The following LOX variants were observed in gnomAD, a reference collection of about 807,000 sequenced individuals.
LOX encodes the protein protein-lysine 6-oxidase.
A neutral mutation model predicts 50.5 loss-of-function variants in LOX; 12 were observed. The observed-to-expected ratio is 0.24, with a 90% CI of 0.15 to 0.38. LOX has a LOEUF of 0.38. LOX is among the 10% of genes least tolerant of loss of function. LOX has a pLI of 1.00. For synonymous variants in LOX, 254 were observed against 230.6 expected (o/e 1.10, Z -0.92); for missense variants, 504 against 563.8 (o/e 0.89, Z 1.07).
intron 4 of LOX, among the ~76,000 whole-genome samples, chr5:122,071,584 A>G (rs528108419): frequency 1.3e-5 from 2 of 152,334 alleles, no homozygotes; most frequent in African/African-American, 4.8e-5. Context: ...TAAGAATGTT[A>G]TAGTCTAGAG....
chr5:122,077,590 A>G lies in LOX; in HGVS notation c.396T>C (p.Ser132=). Residue 132 remains serine, a synonymous_variant, in exon 1 of 7, where the codon TCT becomes TCC. Transcript: ENST00000231004. This position sits in a 1 kb window ranked among gnomAD's most constrained non-coding sequence, Gnocchi z 4.9. ...GCGAGGCGCCAGCTTCGCGGGCTCT[A>G]GATGTCGAGTAGCCAGCTTGGAACC... ...RHWFQAGYST[S]RAREAGASRA... 1.2e-6 allele frequency: 2 copies of G among 1,612,612 alleles called. No individual in the cohort carries two copies. The highest frequency in any genetic ancestry group is 1.7e-6 in the Non-Finnish European group (2 of 1,179,782).
chr5:122,071,570 CT>C (rs1262574117), intron 4 of LOX, among the ~76,000 whole-genome samples: 2 of 152,152 alleles, frequency 1.3e-5, no homozygotes, highest in Admixed American at 1.3e-4. Flanking sequence ...ACAATCCTTG[CT>C]TTTAAGAATG....
rs1378790528 is a variant in LOX, at chr5:122,077,807, A to G, written c.179T>C (p.Leu60Pro). 3 of 1,549,794 alleles carry G rather than the reference A, an allele frequency of 1.9e-6. No individual in the cohort carries two copies. The East Asian group carries it at 7.2e-5, about 37-fold the overall frequency. ...NNGQVFSLLS[L>P]GSQYQPQRRR... ...GCGCTGAGGCTGGTACTGTGAGCCC[A>G]GGCTCAGCAAGCTGAACACCTGCCC... Residue 60 changes from leucine (L) to proline (P), a missense_variant, in exon 1 of 7, where the codon CTG becomes CCG. By Grantham distance (98) the Leu-to-Pro change is moderately conservative. Coordinates refer to ENST00000231004, the MANE Select transcript of LOX (RefSeq NM_002317.7). The surrounding 1 kb of genome is among the most constrained non-coding windows in gnomAD (Gnocchi z 4.9).
chr5:122,068,364 T>C (rs1195184511), intron 6 of LOX, among the ~76,000 whole-genome samples: 1 of 152,076 alleles, frequency 6.6e-6, no homozygotes, highest in Non-Finnish European at 1.5e-5. Context: ...TCCAGACCTA[T>C]TTCTAGTGGG....
chr5:122,069,221 C>A (rs1754385898), intron 6 of LOX, among the ~76,000 whole-genome samples: 1 of 152,068 alleles, frequency 6.6e-6, no homozygotes, highest in Non-Finnish European at 1.5e-5. Flanking sequence ...TCTGTATGAT[C>A]CAGTGGCACT....
rs758722282 is a variant in LOX at position 122,076,999 on chromosome 5, G to A, written c.634C>T (p.Leu212Phe). 6.2e-7 allele frequency: 1 copy of A among 1,613,126 alleles called. No individual in the cohort carries two copies. Among genetic ancestry groups the A allele is most frequent in the East Asian group, 2.2e-5 (1 of 44,844 alleles). The part of the protein sequence containing the change: ...GYGTGYFQYG[L>F]PDLVADPYYI... Reference sequence around the variant, plus strand: ...TAGGGGTCGGCCACCAGGTCTGGGAGACCTAAACGTCAGCAGGCGACGGGC... The same window carrying A: ...TAGGGGTCGGCCACCAGGTCTGGGAAACCTAAACGTCAGCAGGCGACGGGC... The change falls in exon 2 of 7, where the codon CTC becomes TTC. Residue 212 changes from leucine (L) to phenylalanine (F), a missense_variant and splice_region_variant. Physicochemically the swap from Leu to Phe is conservative, Grantham distance 22. Coordinates refer to ENST00000231004, the MANE Select transcript of LOX (RefSeq NM_002317.7).
chr5:122,073,946 T>C (rs1754532725), intron 4 of LOX, 67 bp downstream of exon 4: 2 of 1,424,832 alleles, frequency 1.4e-6, no homozygotes, highest in Non-Finnish European at 2.0e-6. Flanking sequence ...TATTTAATGC[T>C]AACTAACGGT....
intron 6 of LOX, among the ~76,000 whole-genome samples, chr5:122,068,724 C>A (rs10058077): frequency 0.018 from 2,672 of 152,020 alleles, 61 homozygotes; most frequent in Middle Eastern, 0.058. Context: ...AAGGCTACAG[C>A]AGTATAGAGA....
intron 6 of LOX, among the ~76,000 whole-genome samples, 161 bp from the exon 7 acceptor site, chr5:122,066,910 T>C (rs1480814024): frequency 6.6e-6 from 1 of 152,148 alleles, no homozygotes; most frequent in Non-Finnish European, 1.5e-5. Flanking sequence ...TACATCATTT[T>C]AATAATGGTT....
At position 122,077,238 on chromosome 5, in the gene LOX, G is replaced by A. The variant is rs1754664777; in HGVS notation, c.631+117C>T. 6.6e-7 allele frequency: 1 copy of A among 1,516,610 alleles called. No homozygotes were observed. The highest frequency in any genetic ancestry group is 2.1e-5 in the Admixed American group (1 of 48,420). The allele number at this position is 1,516,610 out of a possible 1,614,324, so 93.9% of individuals were successfully genotyped here. A position where few individuals can be genotyped will look rare whatever the true frequency, so the allele number is the denominator to read the frequency against. ...CCAGGGCTGCCACTGCAGGCGCGTG[G>A]GGGAGGGATCGGATCTGCGAGGACC... On this transcript the variant is annotated intron_variant, in intron 1 of 6. Coordinates refer to ENST00000231004, the MANE Select transcript of LOX (RefSeq NM_002317.7). This position sits in a 1 kb window ranked among gnomAD's most constrained non-coding sequence, Gnocchi z 4.9.
chr5:122,075,683 G>C (rs562863804), intron 2 of LOX, 142 bp from the exon 3 acceptor site: 6 of 516,584 alleles, frequency 1.2e-5, no homozygotes, highest in African/African-American at 5.8e-5. Flanking sequence ...AAGGCATTTT[G>C]TTTCTTTTTG....
Position 122,077,040 on chromosome 5 carries a change from C to A in LOX, c.632-39G>T. Reference sequence around the variant, plus strand: ...GGCGACGGGCGCAGCAGTGAAACAACCCGGCGCCCCCCGCTCCAACTCCCT... The same window carrying A: ...GGCGACGGGCGCAGCAGTGAAACAAACCGGCGCCCCCCGCTCCAACTCCCT... On this transcript the variant is annotated intron_variant, in intron 1 of 6. Coordinates refer to ENST00000231004, the MANE Select transcript of LOX (RefSeq NM_002317.7). This position sits in a 1 kb window ranked among gnomAD's most constrained non-coding sequence, Gnocchi z 4.9. 6.2e-7 allele frequency: 1 copy of A among 1,605,566 alleles called. No homozygotes were observed. The highest frequency in any genetic ancestry group is 8.5e-7 in the Non-Finnish European group (1 of 1,178,862).
rs1754254113 is a variant in LOX at position 122,064,751 on chromosome 5, C to T, written c.*1992G>A. Reference sequence around the variant, plus strand: ...TGTCTCAATGCATACCATGTGAGTACTTGGCATATATTAGGCCTTCAAATG... The same window carrying T: ...TGTCTCAATGCATACCATGTGAGTATTTGGCATATATTAGGCCTTCAAATG... On this transcript the variant is annotated 3_prime_UTR_variant, in exon 7 of 7. Coordinates refer to ENST00000231004, the MANE Select transcript of LOX (RefSeq NM_002317.7). 6.6e-6 allele frequency: 1 copy of T among 151,758 alleles called. No individual in the cohort carries two copies. The highest frequency in any genetic ancestry group is 1.5e-5 in the Non-Finnish European group (1 of 67,914). The allele number at this position is 151,758 out of a possible 1,614,324, so 9.4% of individuals were successfully genotyped here. A position where few individuals can be genotyped will look rare whatever the true frequency, so the allele number is the denominator to read the frequency against.
chr5:122,066,829 A>C lies in LOX; in HGVS notation c.1248-80T>G, dbSNP rs1276506593. On this transcript the variant is annotated intron_variant, in intron 6 of 6. Coordinates refer to ENST00000231004, the MANE Select transcript of LOX (RefSeq NM_002317.7). ...AGTACAACAGACAAATTTAAAGTCA[A>C]CCTTTTAAAAACTTTATGCAACAGT... 6 of 913,780 alleles carry C rather than the reference A, an allele frequency of 6.6e-6. No homozygotes were observed. The East Asian group carries it at 1.4e-4, about 22-fold the overall frequency. The allele number at this position is 913,780 out of a possible 1,614,324, so 56.6% of individuals were successfully genotyped here.
intron 4 of LOX, among the ~76,000 whole-genome samples, chr5:122,073,645 T>G (rs771356925): frequency 1.3e-5 from 2 of 152,146 alleles, no homozygotes; most frequent in Non-Finnish European, 2.9e-5. Flanking sequence ...GAGAGTAAAT[T>G]TTTGTTCTTC....
chr5:122,077,640 G>C lies in LOX; in HGVS notation c.346C>G (p.Arg116Gly), dbSNP rs2152591437. The change falls in exon 1 of 7, where the codon CGC (arginine) becomes GGC (glycine). Residue 116 changes from arginine to glycine, a missense_variant. Physicochemically the swap from Arg to Gly is moderately radical, Grantham distance 125. Around this residue, in one of 2 missense-constraint regions of LOX, gnomAD observed 398 missense variants for 365.8 expected, o/e 1.09. Coordinates refer to ENST00000231004, the MANE Select transcript of LOX (RefSeq NM_002317.7). The surrounding 1 kb of genome is among the most constrained non-coding windows in gnomAD (Gnocchi z 4.9). ...TAGSSGVTAG[R>G]PRPTARHWFQ... ...CAGTGACGGGCGGTGGGCCTGGGGC[G>C]GCCAGCGGTGACTCCAGATGAGCCG... The C allele has an allele frequency of 6.2e-7, 1 of 1,610,378 alleles. No individual in the cohort carries two copies. Among genetic ancestry groups the C allele is most frequent in the East Asian group, 2.2e-5 (1 of 44,818 alleles).
chr5:122,067,426 T>G (rs1167954211), intron 6 of LOX, among the ~76,000 whole-genome samples: 1 of 152,056 alleles, frequency 6.6e-6, no homozygotes, highest in African/African-American at 2.4e-5. Context: ...ACATACCTAT[T>G]CAACTATTTA....
intron 6 of LOX, among the ~76,000 whole-genome samples, chr5:122,066,981 G>A (rs1037725826): frequency 2.6e-5 from 4 of 152,078 alleles, no homozygotes; most frequent in African/African-American, 9.7e-5. Context: ...CACATTTAGA[G>A]GCAAAGAAAC....
chr5:122,077,792 T>C lies in LOX; in HGVS notation c.194A>G (p.Gln65Arg), dbSNP rs2152591616. ...GCCCGGGTCCCGGCGGCGCTGAGGC[T>C]GGTACTGTGAGCCCAGGCTCAGCAA... ...FSLLSLGSQY[Q>R]PQRRRDPGAA... Residue 65 changes from glutamine to arginine, a missense_variant, in exon 1 of 7, where the codon CAG (glutamine) becomes CGG (arginine). Coordinates refer to ENST00000231004, the MANE Select transcript of LOX (RefSeq NM_002317.7). The surrounding 1 kb of genome is among the most constrained non-coding windows in gnomAD (Gnocchi z 4.9). The C allele has an allele frequency of 4.5e-6, 7 of 1,549,798 alleles. No individual in the cohort carries two copies. The highest frequency in any genetic ancestry group is 4.3e-6 in the Non-Finnish European group (5 of 1,152,298).
Sources: gnomAD v4.1 joint callset for allele counts (sites outside exome capture counted in the v4.1 genomes callset) on GRCh38, gnomAD v4.1.1 for gene constraint, gnomAD v4.1.1 regional missense constraint, Gnocchi (gnomAD v3.1) non-coding constraint, MANE v1.5 for transcripts, NCBI Gene and HGNC (gene_info 2026-07-23, HGNC 2026-07-21) for gene names.